SLC6A16: variants seen among roughly 807,000 people sequenced by gnomAD.
SLC6A16 encodes orphan sodium- and chloride-dependent neurotransmitter transporter NTT5.
SLC6A16 carries 54 observed loss-of-function variants against 65.4 expected under a neutral mutation model. The ratio of observed to expected loss-of-function variants is 0.83; its 90% confidence interval spans 0.66 to 1.04. The LOEUF is 1.04. Ranked by LOEUF, SLC6A16 falls within the 50% of genes least tolerant of loss-of-function variation. SLC6A16 has a pLI of 0.00. For missense variants in SLC6A16, 816 were observed against 914.0 expected, an observed-to-expected ratio of 0.89 and a Z score of 1.38; for synonymous variants, 330 against 346.5, an observed-to-expected ratio of 0.95 and a Z score of 0.53.
chr19:49,293,235 T>C lies in SLC6A16; in HGVS notation c.1766A>G (p.Tyr589Cys), dbSNP rs375841828. 21 of 1,614,000 alleles carry C rather than the reference T, an allele frequency of 1.3e-5. No homozygotes were observed. The highest frequency in any genetic ancestry group is 9.9e-5 in the South Asian group (9 of 91,076). Reference sequence around the variant, plus strand: ...CTTAGGACATCACCTCCTGGCCCCATAGGCCCAGGATACAGCCATGGTTTC... The same window carrying C: ...CTTAGGACATCACCTCCTGGCCCCACAGGCCCAGGATACAGCCATGGTTTC... ...VFETMAVSWAYGARRFLADLT... is the reference protein window; with the variant it reads ...VFETMAVSWACGARRFLADLT... The change falls in exon 10 of 12, where the codon TAT becomes TGT. Residue 589 changes from tyrosine to cysteine, a missense_variant. Physicochemically the swap from Tyr to Cys is radical, Grantham distance 194. Transcript: ENST00000335875.
the SLC6A16 span, chr19:49,338,942 C>T: frequency 1.2e-6 from 2 of 1,607,938 alleles, no homozygotes; most frequent in South Asian, 1.1e-5. This position sits in a 1 kb window ranked among gnomAD's most constrained non-coding sequence, Gnocchi z 5.0. Context: ...GCGAGGTGGG[C>T]AGGGGTTCGG....
chr19:49,326,063 G>A (rs892955900), upstream of SLC6A16, among the ~76,000 whole-genome samples: 7 of 151,540 alleles, frequency 4.6e-5, no homozygotes, highest in South Asian at 2.1e-4. Flanking sequence ...CCAGCTACTC[G>A]GGAGCCTGAG....
chr19:49,323,993 G>A (rs1970757409), intron 1 of SLC6A16, among the ~76,000 whole-genome samples: 1 of 152,100 alleles, frequency 6.6e-6, no homozygotes, highest in South Asian at 2.1e-4. Context: ...TCATGCCACT[G>A]GACTCCAGCC....
Position 49,311,301 on chromosome 19 carries a change from G to T in SLC6A16, c.47C>A (p.Ser16Ter), listed in dbSNP as rs1970517501. Residue 16 changes from serine to a stop codon, truncating the protein, a stop_gained, in exon 2 of 12, where the codon TCA becomes TAA. Transcript: ENST00000335875. LOFTEE classifies it high-confidence loss of function. ...QPSTSLLANTSWTGTVISDSV... is the reference protein window; with the variant it reads ...QPSTSLLANT ...GTCAGAAATCACTGTGCCAGTCCAT[G>T]AGGTGTTTGCCAGCAAGGATGTCGA... 6.2e-7 allele frequency: 1 copy of T among 1,607,468 alleles called. No homozygotes were observed. The highest frequency in any genetic ancestry group is 1.7e-5 in the Admixed American group (1 of 58,732).
At chr19:49,334,429 G>A in the SLC6A16 span, among the ~76,000 whole-genome samples, 1 of 152,020 alleles carries the variant, frequency 6.6e-6, no homozygotes, top group African/African-American at 2.4e-5. Flanking sequence ...TGGGGCTGCA[G>A]TGAGCTATGA....
chr19:49,338,163 G>A, the SLC6A16 span: 22 of 1,455,496 alleles, frequency 1.5e-5, no homozygotes, highest in Admixed American at 3.4e-4. The surrounding 1 kb of genome is among the most constrained non-coding windows in gnomAD (Gnocchi z 5.0). Flanking sequence ...CAGGCCCGAC[G>A]CTCCCCACTC....
chr19:49,290,558 T>C, intron 11 of SLC6A16, 47 bp downstream of exon 11: 1 of 1,602,816 alleles, frequency 6.2e-7, no homozygotes, highest in Non-Finnish European at 8.5e-7. Flanking sequence ...AATTGAAAGG[T>C]CTGGCCCCTA....
intron 1 of SLC6A16, among the ~76,000 whole-genome samples, chr19:49,323,758 G>A (rs945057067): frequency 2.8e-4 from 42 of 152,310 alleles, no homozygotes; most frequent in African/African-American, 1.0e-3. Context: ...GTGCCTTGCT[G>A]GTCAGAATGT....
chr19:49,294,789 T>C (rs1970154113), intron 7 of SLC6A16, among the ~76,000 whole-genome samples: 1 of 152,084 alleles, frequency 6.6e-6, no homozygotes, highest in African/African-American at 2.4e-5. Context: ...TCTACAGTCT[T>C]CTTGGGGACT....
chr19:49,306,461 T>C (rs957780770), intron 7 of SLC6A16, among the ~76,000 whole-genome samples: 2 of 151,936 alleles, frequency 1.3e-5, no homozygotes, highest in African/African-American at 4.8e-5. Context: ...AGTGGACAAA[T>C]TATATTGCTT....
chr19:49,314,270 C>T (rs1970580229), intron 1 of SLC6A16, among the ~76,000 whole-genome samples: 1 of 152,064 alleles, frequency 6.6e-6, no homozygotes, highest in African/African-American at 2.4e-5. Context: ...TGAGAACCAA[C>T]AGACTAAAAC....
chr19:49,293,757 C>T (rs1434918726), intron 9 of SLC6A16, 70 bp downstream of exon 9: 4 of 1,392,764 alleles, frequency 2.9e-6, no homozygotes, highest in Non-Finnish European at 4.1e-6. Flanking sequence ...GGGACCCTGT[C>T]CCAAAAAAAG....
chr19:49,307,143 G>A (rs559412211), intron 7 of SLC6A16, among the ~76,000 whole-genome samples: 1 of 148,036 alleles, frequency 6.8e-6, no homozygotes, highest in African/African-American at 2.5e-5. Context: ...CTCCCTAAGA[G>A]CTGGCATTAC....
chr19:49,335,476 C>G, the SLC6A16 span: 1 of 1,119,242 alleles, frequency 8.9e-7, no homozygotes, highest in Non-Finnish European at 1.4e-6. This position sits in a 1 kb window ranked among gnomAD's most constrained non-coding sequence, Gnocchi z 4.6. Context: ...TTCTTTCTCC[C>G]TGTCTCCCCC....
chr19:49,311,029 A>T lies in SLC6A16; in HGVS notation c.319T>A (p.Ser107Thr). The change falls in exon 2 of 12, where the codon TCC (serine) becomes ACC (threonine). Residue 107 changes from serine (S) to threonine (T), a missense_variant. By Grantham distance (58) the Ser-to-Thr change is moderately conservative. Transcript: ENST00000335875. ...SEVLLARPFW[S>T]SKTEYILAQV... Reference sequence around the variant, plus strand: ...GCCAGAATATACTCAGTTTTGCTGGACCAGAACGGACGGGCAAGGAGGACC... The same window carrying T: ...GCCAGAATATACTCAGTTTTGCTGGTCCAGAACGGACGGGCAAGGAGGACC... The T allele has an allele frequency of 6.2e-7, 1 of 1,614,194 alleles. No homozygotes were observed. Among genetic ancestry groups the T allele is most frequent in the Non-Finnish European group, 8.5e-7 (1 of 1,180,044 alleles).
At chr19:49,299,586 A>G (rs1970248781) in intron 7 of SLC6A16, among the ~76,000 whole-genome samples, 1 of 148,250 alleles carries the variant, frequency 6.7e-6, no homozygotes, top group Non-Finnish European at 1.5e-5. Flanking sequence ...ATAGTAGGCT[A>G]TCTTCAATGT....
At chr19:49,337,331 G>A in the SLC6A16 span, 4 of 1,076,264 alleles carry the variant, frequency 3.7e-6, no homozygotes, top group Non-Finnish European at 5.6e-6. Context: ...GGCTAACCTA[G>A]ATAAAGAGAA....
At chr19:49,299,163 G>A (rs1054788883) in intron 7 of SLC6A16, among the ~76,000 whole-genome samples, 8 of 150,282 alleles carry the variant, frequency 5.3e-5, no homozygotes, top group African/African-American at 1.2e-4. Context: ...GGAGAATGGC[G>A]TGAACCCGGG....
the SLC6A16 span, chr19:49,337,261 G>C: frequency 6.3e-7 from 1 of 1,583,178 alleles, no homozygotes; most frequent in African/African-American, 1.3e-5. Flanking sequence ...CCCCAGCAGG[G>C]AGGAGAGGGA....
Sources: gnomAD v4.1 joint callset for allele counts (sites outside exome capture counted in the v4.1 genomes callset) on GRCh38, gnomAD v4.1.1 for gene constraint, Gnocchi (gnomAD v3.1) non-coding constraint, MANE v1.5 for transcripts, NCBI Gene and HGNC (gene_info 2026-07-23, HGNC 2026-07-21) for gene names.